Variants in BCL9 observed in about 807,000 individuals in gnomAD.
BCL9 encodes B-cell CLL/lymphoma 9 protein.
Under a neutral mutation model 88.5 loss-of-function variants are expected in BCL9, and 25 were observed. The observed-to-expected ratio is 0.28, with a 90% CI of 0.21 to 0.39. The LOEUF (loss-of-function observed/expected upper bound fraction) is 0.39. BCL9 is among the 10% of genes least tolerant of loss of function. BCL9 has a pLI of 1.00. For missense variants in BCL9, 1,817 were observed against 1,877.8 expected (o/e 0.97, Z 0.60); for synonymous variants, 711 against 673.3 (o/e 1.06, Z -0.87).
In BCL9 at chr1:147,622,359, A is replaced by G. The variant is rs971901728; in HGVS notation, c.2991A>G (p.Pro997=). ...LPSSTPYTMP[P]EPTLSQNPLS... ...CTAGTACACCTTATACCATGCCTCC[A>G]GAGCCAACCCTTTCCCAGAACCCAC... is the stretch of plus-strand genomic sequence containing the variant. The change falls in exon 9 of 10, where the codon CCA becomes CCG. Residue 997 remains proline, a synonymous_variant. Transcript: ENST00000234739. 8.1e-6 allele frequency: 13 copies of G among 1,614,204 alleles called. No individual in the cohort carries two copies. The highest frequency in any genetic ancestry group is 1.1e-5 in the Non-Finnish European group (13 of 1,180,032).
intron 1 of BCL9, among the ~76,000 whole-genome samples, chr1:147,598,224 C>T (rs947137015): frequency 5.3e-5 from 8 of 152,214 alleles, no homozygotes; most frequent in African/African-American, 1.9e-4. Flanking sequence ...TATGTTACAT[C>T]AAATATTCTA....
Position 147,619,884 on chromosome 1 carries a change from A to G in BCL9, c.1729A>G (p.Asn577Asp). 1.2e-6 allele frequency: 2 copies of G among 1,614,190 alleles called. No homozygotes were observed. The highest frequency in any genetic ancestry group is 1.7e-6 in the Non-Finnish European group (2 of 1,180,042). Residue 577 changes from asparagine (N) to aspartate (D), a missense_variant, in exon 8 of 10, where the codon AAT becomes GAT. Transcript: ENST00000234739. The surrounding 1 kb of genome is among the most constrained non-coding windows in gnomAD (Gnocchi z 4.1). The part of the protein sequence containing the change: ...GMINSEMEGP[N>D]VPNPASRPGL... ...GATAAACTCTGAAATGGAAGGGCCG[A>G]ATGTCCCCAACCCTGCATCTAGACC... is the stretch of plus-strand genomic sequence containing the variant.
At chr1:147,598,965 A>G (rs1657179743) in intron 1 of BCL9, among the ~76,000 whole-genome samples, 1 of 152,220 alleles carries the variant, frequency 6.6e-6, no homozygotes, top group South Asian at 2.1e-4. Context: ...CTTCTGAGAA[A>G]AAGTGTAATC....
intron 1 of BCL9, among the ~76,000 whole-genome samples, chr1:147,574,373 G>A (rs114616033): frequency 1.2e-3 from 181 of 152,242 alleles, no homozygotes; most frequent in African/African-American, 4.2e-3. Flanking sequence ...TTGTTTCACC[G>A]TATAGGAGAA....
At chr1:147,563,242 T>A (rs1268836204) in intron 1 of BCL9, among the ~76,000 whole-genome samples, 2 of 152,192 alleles carry the variant, frequency 1.3e-5, no homozygotes, top group Non-Finnish European at 2.9e-5. Context: ...TCTGAAATGA[T>A]CTTATTTATT....
intron 1 of BCL9, among the ~76,000 whole-genome samples, chr1:147,566,373 A>G (rs2101515062): frequency 6.6e-6 from 1 of 152,248 alleles, no homozygotes; most frequent in East Asian, 1.9e-4. Flanking sequence ...GTGGAGCCTG[A>G]AGCTTCCTCA....
chr1:147,616,595 G>A (rs587607040), intron 7 of BCL9, among the ~76,000 whole-genome samples: 3 of 152,044 alleles, frequency 2.0e-5, no homozygotes, highest in African/African-American at 4.8e-5. Context: ...GTGAAACCCC[G>A]TCTTTACTAA....
At chr1:147,600,650 G>C (rs1406694643) in intron 1 of BCL9, among the ~76,000 whole-genome samples, 1 of 152,070 alleles carries the variant, frequency 6.6e-6, no homozygotes, top group African/African-American at 2.4e-5. Flanking sequence ...GACAGTCCCA[G>C]GGTCCTGGGA....
At chr1:147,589,868 A>G (rs1553199711) in intron 1 of BCL9, among the ~76,000 whole-genome samples, 3 of 152,238 alleles carry the variant, frequency 2.0e-5, no homozygotes, top group Admixed American at 6.5e-5. Flanking sequence ...AGAAGTTCTG[A>G]GTCACATGGT....
In BCL9 at chr1:147,613,192, C is replaced by T; in HGVS notation, c.363C>T (p.Asp121=). ...CTGGGACTCCAAACGATGACTCTGA[C>T]ATTAAAGGTATGTCTATAAGATCTT... ...RDPGTPNDDS[D]IKECNSADHI... The change falls in exon 5 of 10, where the codon GAC becomes GAT. Residue 121 remains aspartate, a synonymous_variant. Transcript: ENST00000234739. The T allele has an allele frequency of 6.2e-7, 1 of 1,614,144 alleles. No individual in the cohort carries two copies.
intron 1 of BCL9, among the ~76,000 whole-genome samples, chr1:147,604,547 C>T (rs1322604109): frequency 2.0e-5 from 3 of 152,140 alleles, no homozygotes; most frequent in Non-Finnish European, 2.9e-5. Flanking sequence ...CATCCATTAG[C>T]GTGGTTAGGC....
At chr1:147,554,023 G>A (rs1553195114) in intron 1 of BCL9, among the ~76,000 whole-genome samples, 1 of 152,160 alleles carries the variant, frequency 6.6e-6, no homozygotes, top group Non-Finnish European at 1.5e-5. Flanking sequence ...ATTCATTGTG[G>A]ATTGCTCAAT....
In BCL9 at chr1:147,602,673, A is replaced by G. The variant is rs1553201468; in HGVS notation, c.-477-2104A>G. ...ATAATGGTTTCAAAAGAGATGGTAGATAGACAGGGAGGTCATTGGCTAAAA... is the reference window on the plus strand; with the variant it reads ...ATAATGGTTTCAAAAGAGATGGTAGGTAGACAGGGAGGTCATTGGCTAAAA... On this transcript the variant is annotated intron_variant, in intron 1 of 9. Coordinates refer to ENST00000234739, the MANE Select transcript of BCL9 (RefSeq NM_004326.4). 5.3e-5 allele frequency among the ~76,000 whole-genome samples: 8 copies of G among 152,210 alleles called. No individual in the cohort carries two copies. The South Asian group carries it at 1.7e-3, about 31-fold the overall frequency.
chr1:147,572,439 T>C (rs749308511), intron 1 of BCL9, among the ~76,000 whole-genome samples: 7 of 152,218 alleles, frequency 4.6e-5, no homozygotes, highest in Non-Finnish European at 1.0e-4. Context: ...TCTCCTAGCA[T>C]TGATAGACAT....
In BCL9 at chr1:147,612,925, A is replaced by G. The variant is rs1658084167; in HGVS notation, c.96A>G (p.Thr32=). Residue 32 remains threonine, a synonymous_variant, in exon 5 of 10, where the codon ACA becomes ACG. Transcript: ENST00000234739. ...SKQEVMVRPP[T]VMSPSGNPQL... is the part of the protein sequence containing the mutation. Reference sequence around the variant, plus strand: ...AGGAGGTGATGGTCCGTCCCCCTACAGTGATGTCCCCATCTGGAAACCCCC... The same window carrying G: ...AGGAGGTGATGGTCCGTCCCCCTACGGTGATGTCCCCATCTGGAAACCCCC... 1 of 1,614,002 alleles carries G rather than the reference A, an allele frequency of 6.2e-7. No homozygotes were observed. The highest frequency in any genetic ancestry group is 8.5e-7 in the Non-Finnish European group (1 of 1,179,940).
chr1:147,543,266 T>G (rs146767095), intron 1 of BCL9, among the ~76,000 whole-genome samples: 1 of 152,320 alleles, frequency 6.6e-6, no homozygotes, highest in East Asian at 1.9e-4. Context: ...CTTACCTAAT[T>G]CTAGGTTTTC....
chr1:147,621,050 A>G lies in BCL9; in HGVS notation c.2895A>G (p.Val965=), dbSNP rs1658611863. Residue 965 remains valine, a synonymous_variant, in exon 8 of 10, where the codon GTA becomes GTG. Coordinates refer to ENST00000234739, the MANE Select transcript of BCL9 (RefSeq NM_004326.4). Reference sequence around the variant, plus strand: ...CCTCCCCAGCCATGCTGGGAAATGTAGAGTCAGGTCAGTATGCTTGCATCC... The same window carrying G: ...CCTCCCCAGCCATGCTGGGAAATGTGGAGTCAGGTCAGTATGCTTGCATCC... The part of the protein sequence containing the change: ...TMASPAMLGN[V]ESGGPPPPTA... 4.3e-6 allele frequency: 7 copies of G among 1,612,598 alleles called. No individual in the cohort carries two copies. The South Asian group carries it at 5.5e-5, about 13-fold the overall frequency.
Position 147,625,767 on chromosome 1 carries a change from C to T in BCL9, c.*808C>T, listed in dbSNP as rs1367119029. The T allele has an allele frequency of 8.6e-6, 2 of 232,486 alleles. No homozygotes were observed. Among genetic ancestry groups the T allele is most frequent in the African/African-American group, 4.4e-5 (2 of 45,250 alleles). 14.4% of individuals were successfully genotyped at this position (232,486 alleles called of 1,614,324 possible). A position where few individuals can be genotyped will look rare whatever the true frequency, so the allele number is the denominator to read the frequency against. ...CAGTTAAGTGTTTCCTTCCTTTGTG[C>T]CCCCCGCTGGTGACCCTCTGCTTCC... On this transcript the variant is annotated 3_prime_UTR_variant, in exon 10 of 10. Coordinates refer to ENST00000234739, the MANE Select transcript of BCL9 (RefSeq NM_004326.4).
At chr1:147,616,481 A>G (rs1553203888) in intron 7 of BCL9, among the ~76,000 whole-genome samples, 1 of 152,206 alleles carries the variant, frequency 6.6e-6, no homozygotes, top group Admixed American at 6.5e-5. Context: ...GAAAAAGCAT[A>G]CAGTGGCCGG....
Sources: allele counts gnomAD v4.1 joint callset (sites outside exome capture counted in the v4.1 genomes callset), GRCh38; gene constraint gnomAD v4.1.1; non-coding constraint Gnocchi (gnomAD v3.1); transcripts MANE v1.5; gene names NCBI Gene and HGNC (gene_info 2026-07-23, HGNC 2026-07-21).